Variants in TRIP4 observed in about 807,000 individuals in gnomAD.
TRIP4 encodes the protein thyroid hormone receptor interactor 4.
TRIP4 carries 54 observed loss-of-function variants against 81.8 expected under a neutral mutation model. That is an observed-to-expected ratio of 0.66 (90% confidence interval 0.53 to 0.83). TRIP4 has a LOEUF of 0.83. Ranked by LOEUF, TRIP4 falls within the 40% of genes least tolerant of loss-of-function variation. The probability of loss-of-function intolerance (pLI) is 0.00; values close to 1 mark genes in which losing one functional copy is unlikely to be tolerated. For synonymous variants in TRIP4, 270 were observed against 242.8 expected (o/e 1.11, Z -1.04); for missense variants, 662 against 683.6 (o/e 0.97, Z 0.35).
Position 64,397,704 on chromosome 15 carries a change from T to C in TRIP4, c.504T>C (p.Arg168=), listed in dbSNP as rs1262288511. ...GGCTTGCAGTCCTGCTCCCTGGTCG[T>C]CACCCTTGTGATTGCCTGGGCCAGA... ...QDRLAVLLPG[R]HPCDCLGQKH... is the part of the protein sequence containing the mutation. The change falls in exon 4 of 13, where the codon CGT becomes CGC. Residue 168 remains arginine (R), a synonymous_variant. Coordinates refer to ENST00000261884, the MANE Select transcript of TRIP4 (RefSeq NM_016213.5). The C allele has an allele frequency of 6.2e-7, 1 of 1,614,240 alleles. No homozygotes were observed. The highest frequency in any genetic ancestry group is 1.1e-5 in the South Asian group (1 of 91,088).
At chr15:64,440,806 C>T (rs1293603507) in intron 11 of TRIP4, among the ~76,000 whole-genome samples, 1 of 152,108 alleles carries the variant, frequency 6.6e-6, no homozygotes, top group African/African-American at 2.4e-5. Flanking sequence ...TGTTAATACA[C>T]ATCAGGGTGG....
intron 1 of TRIP4, among the ~76,000 whole-genome samples, chr15:64,392,799 G>C (rs1249424826): frequency 6.6e-6 from 1 of 151,908 alleles, no homozygotes; most frequent in African/African-American, 2.4e-5. Context: ...TTTTCTTCTA[G>C]AGACAAGGTC....
chr15:64,390,088 TATATTAA>T (rs1900077949), intron 1 of TRIP4, among the ~76,000 whole-genome samples: 1 of 147,708 alleles, frequency 6.8e-6, no homozygotes. Flanking sequence ...TTATATTAAA[TATATTAA>T]ATATTAAATA....
intron 1 of TRIP4, among the ~76,000 whole-genome samples, chr15:64,390,193 G>A (rs183109739): frequency 1.9e-4 from 28 of 150,580 alleles, no homozygotes; most frequent in Admixed American, 1.7e-3. Context: ...CAGGCGCAGT[G>A]GTTCATGTGT....
At chr15:64,392,642 AGTCTCATTCT>A (rs2140547529) in intron 1 of TRIP4, among the ~76,000 whole-genome samples, 1 of 151,906 alleles carries the variant, frequency 6.6e-6, no homozygotes, top group Admixed American at 6.6e-5. Flanking sequence ...TTTGAGACAG[AGTCTCATTCT>A]GTTGCTCAGG....
chr15:64,420,193 C>T (rs1341534035), intron 9 of TRIP4, among the ~76,000 whole-genome samples: 1 of 150,602 alleles, frequency 6.6e-6, no homozygotes, highest in Non-Finnish European at 1.5e-5. Context: ...GCGTTATCAG[C>T]TCACTGCAAC....
chr15:64,447,053 G>A (rs1308914995), intron 12 of TRIP4, among the ~76,000 whole-genome samples: 2 of 152,068 alleles, frequency 1.3e-5, no homozygotes, highest in African/African-American at 2.4e-5. Context: ...ACAGTGAGTC[G>A]AGATTGCACC....
At chr15:64,429,012 T>A (rs924828793) in intron 11 of TRIP4, among the ~76,000 whole-genome samples, 2 of 152,108 alleles carry the variant, frequency 1.3e-5, no homozygotes, top group Non-Finnish European at 2.9e-5. Flanking sequence ...AGTTTATCAG[T>A]TTTAAAAGTT....
intron 10 of TRIP4, chr15:64,424,397 C>A: frequency 2.2e-6 from 1 of 453,098 alleles, no homozygotes; most frequent in Non-Finnish European, 3.8e-6. Flanking sequence ...ATTTTTTTAT[C>A]TGAGAAAATC....
chr15:64,400,268 C>T (rs1891462658), intron 4 of TRIP4, among the ~76,000 whole-genome samples: 1 of 150,920 alleles, frequency 6.6e-6, no homozygotes, highest in Non-Finnish European at 1.5e-5. Context: ...CATGGCAAAA[C>T]CCCATATCTA....
chr15:64,453,889 A>G (rs1892825710), intron 12 of TRIP4, among the ~76,000 whole-genome samples: 1 of 152,202 alleles, frequency 6.6e-6, no homozygotes, highest in Non-Finnish European at 1.5e-5. Flanking sequence ...ACTTAATTGG[A>G]CAAGTGAAAA....
rs572124801 is a variant in TRIP4, at chr15:64,435,880, A to G, written c.1576-9126A>G. Among the ~76,000 whole-genome samples the G allele has an allele frequency of 2.8e-5, 3 of 105,894 alleles. No homozygotes were observed. The East Asian group carries it at 8.8e-4, about 31-fold the overall frequency. 69.5% of individuals were successfully genotyped at this position (105,894 alleles called of 152,430 possible). A position where few individuals can be genotyped will look rare whatever the true frequency, so the allele number is the denominator to read the frequency against. ...CAGAAGCAATGCTTCCTGGAATACC[A>G]TAATGGTAGATTGAAAAAAAAAAAA... is the stretch of plus-strand genomic sequence containing the variant. On this transcript the variant is annotated intron_variant, in intron 11 of 12. Transcript: ENST00000261884.
intron 9 of TRIP4, among the ~76,000 whole-genome samples, chr15:64,420,367 C>G (rs1348482540): frequency 6.6e-6 from 1 of 152,000 alleles, no homozygotes; most frequent in Non-Finnish European, 1.5e-5. Flanking sequence ...GTGATCTGAC[C>G]ACCTCAGCCT....
intron 2 of TRIP4, 89 bp downstream of exon 2, chr15:64,394,204 TGTG>T: frequency 4.9e-6 from 6 of 1,229,470 alleles, no homozygotes; most frequent in Non-Finnish European, 5.4e-6. Context: ...TTTGCCATCT[TGTG>T]TTTCTTCACA....
chr15:64,439,627 G>A (rs1892473900), intron 11 of TRIP4, among the ~76,000 whole-genome samples: 1 of 137,222 alleles, frequency 7.3e-6, no homozygotes, highest in African/African-American at 2.7e-5. Flanking sequence ...AGGTTCAGGT[G>A]ATCCTCTTGC....
chr15:64,438,106 G>C (rs1020247541), intron 11 of TRIP4, among the ~76,000 whole-genome samples: 4 of 152,192 alleles, frequency 2.6e-5, no homozygotes, highest in African/African-American at 9.7e-5. Flanking sequence ...AATAACACCA[G>C]ATTGCTTGAC....
Position 64,407,355 on chromosome 15 carries a change from A to T in TRIP4, c.827+896A>T, listed in dbSNP as rs562329096. ...TTCAGTATCACATTTCACCCTACTC[A>T]GTAGAACGTATTATTAGAAATAGAA... On this transcript the variant is annotated intron_variant, in intron 6 of 12. Transcript: ENST00000261884. 3.0e-4 allele frequency among the ~76,000 whole-genome samples: 45 copies of T among 152,276 alleles called. No individual in the cohort carries two copies. In the South Asian group the frequency reaches 7.9e-3, roughly 27 times the overall value.
Position 64,387,938 on chromosome 15 carries a change from C to T in TRIP4, c.75C>T (p.Gly25=), listed in dbSNP as rs1346333080. 1.3e-5 allele frequency: 20 copies of T among 1,550,842 alleles called. No homozygotes were observed. The highest frequency in any genetic ancestry group is 1.7e-5 in the Non-Finnish European group (19 of 1,146,946). ...CCCAGCAGTTGCGGAAGACTTTCGG[C>T]CTGGATGTCAGCGAGGAGATCATTC... The part of the protein sequence containing the change: ...WCTQQLRKTF[G]LDVSEEIIQY... The change falls in exon 1 of 13, where the codon GGC becomes GGT. Residue 25 remains glycine, a synonymous_variant. Coordinates refer to ENST00000261884, the MANE Select transcript of TRIP4 (RefSeq NM_016213.5).
At chr15:64,388,994 T>C (rs1213475215) in intron 1 of TRIP4, among the ~76,000 whole-genome samples, 1 of 152,122 alleles carries the variant, frequency 6.6e-6, no homozygotes, top group Non-Finnish European at 1.5e-5. Context: ...TCCCCTTCGT[T>C]GATGAGTGCT....
Sources: gnomAD v4.1 joint callset for allele counts (sites outside exome capture counted in the v4.1 genomes callset) on GRCh38, gnomAD v4.1.1 for gene constraint, MANE v1.5 for transcripts, NCBI Gene and HGNC (gene_info 2026-07-23, HGNC 2026-07-21) for gene names.